CHPT1: variants seen among roughly 807,000 people sequenced by gnomAD.
CHPT1 encodes the protein choline phosphotransferase 1.
Under a neutral mutation model 47.6 loss-of-function variants are expected in CHPT1, and 36 were observed. The ratio of observed to expected loss-of-function variants is 0.76; its 90% confidence interval spans 0.58 to 1.00. CHPT1 has a LOEUF of 1.00. Among genes scored for constraint, CHPT1 ranks in the 50% least tolerant of loss-of-function variants. The pLI, the probability that CHPT1 is intolerant of heterozygous loss-of-function variation, is 0.00. For missense variants in CHPT1, 458 were observed against 498.1 expected (o/e 0.92, Z 0.77); for synonymous variants, 194 against 186.3 (o/e 1.04, Z -0.33).
At chr12:101,724,858 C>T (rs1467377752) in intron 7 of CHPT1, among the ~76,000 whole-genome samples, 1 of 152,258 alleles carries the variant, frequency 6.6e-6, no homozygotes, top group African/African-American at 2.4e-5. Flanking sequence ...ACTTCAATTA[C>T]AAAGTTGGAT....
At chr12:101,726,547 G>T in intron 8 of CHPT1, 143 bp downstream of exon 8, 1 of 1,210,920 alleles carries the variant, frequency 8.3e-7, no homozygotes, top group Non-Finnish European at 1.1e-6. Context: ...CATAAACCCT[G>T]TAGATTTCAT....
intron 1 of CHPT1, among the ~76,000 whole-genome samples, chr12:101,700,441 G>T (rs1951538838): frequency 6.6e-6 from 1 of 152,028 alleles, no homozygotes; most frequent in Non-Finnish European, 1.5e-5. Flanking sequence ...TGAAATGTAT[G>T]TCACTAGAAC....
At chr12:101,725,662 T>G (rs565746278) in intron 7 of CHPT1, among the ~76,000 whole-genome samples, 1 of 151,960 alleles carries the variant, frequency 6.6e-6, no homozygotes, top group South Asian at 2.1e-4. Context: ...AATGTGGTAC[T>G]TTTCAAGTAA....
At chr12:101,707,578 T>C (rs1951650390) in intron 1 of CHPT1, among the ~76,000 whole-genome samples, 1 of 152,206 alleles carries the variant, frequency 6.6e-6, no homozygotes, top group Non-Finnish European at 1.5e-5. Flanking sequence ...GCCAGAGTAA[T>C]GTTCTAGAGT....
At position 101,723,715 on chromosome 12, in the gene CHPT1, T is replaced by C; in HGVS notation, c.940-7T>C. 6.7e-7 allele frequency: 1 copy of C among 1,486,080 alleles called. No individual in the cohort carries two copies. The highest frequency in any genetic ancestry group is 1.3e-5 in the South Asian group (1 of 78,942). 92.1% of individuals were successfully genotyped at this position (1,486,080 alleles called of 1,614,324 possible). On this transcript the variant is annotated splice_polypyrimidine_tract_variant and splice_region_variant and intron_variant, in intron 6 of 8. Coordinates refer to ENST00000229266, the MANE Select transcript of CHPT1 (RefSeq NM_020244.3). Reference sequence around the variant, plus strand: ...TAGTAAAATTATTTTGTTTAATTTTTTTATAGGTAGCTCACATGACCAAAA... The same window carrying C: ...TAGTAAAATTATTTTGTTTAATTTTCTTATAGGTAGCTCACATGACCAAAA...
intron 4 of CHPT1, chr12:101,719,564 G>A: frequency 8.0e-7 from 1 of 1,252,334 alleles, no homozygotes; most frequent in Non-Finnish European, 1.0e-6. Flanking sequence ...CTACACAGAT[G>A]TTTTGCTTGC....
chr12:101,709,832 T>G (rs1263787156), intron 1 of CHPT1, among the ~76,000 whole-genome samples: 1 of 148,556 alleles, frequency 6.7e-6, no homozygotes, highest in East Asian at 2.0e-4. Flanking sequence ...AGATTTCAGG[T>G]GAAAAGTTCC....
At chr12:101,719,175 A>AG (rs972597379) in intron 4 of CHPT1, among the ~76,000 whole-genome samples, 1 of 151,504 alleles carries the variant, frequency 6.6e-6, no homozygotes, top group Non-Finnish European at 1.5e-5. Context: ...AAAAAAAAAA[A>AG]AAGAAGGTAA....
chr12:101,717,037 C>T (rs1179314308), intron 4 of CHPT1, among the ~76,000 whole-genome samples: 1 of 151,096 alleles, frequency 6.6e-6, no homozygotes, highest in African/African-American at 2.4e-5. Flanking sequence ...AGTATATTGC[C>T]ACATAGAAGA....
Position 101,723,188 on chromosome 12 carries a change from T to C in CHPT1, c.801T>C (p.Pro267=), listed in dbSNP as rs1951884722. The part of the protein sequence containing the change: ...STIAGTSVLS[P]GLHIGLIIIL... ...CTTAGGGCACCAGTGTCTTGTCACCTGGACTCCACATAGGACTAATTATTA... is the reference window on the plus strand; with the variant it reads ...CTTAGGGCACCAGTGTCTTGTCACCCGGACTCCACATAGGACTAATTATTA... Residue 267 remains proline, a synonymous_variant, in exon 6 of 9, where the codon CCT becomes CCC. Transcript: ENST00000229266. The C allele has an allele frequency of 6.2e-7, 1 of 1,612,858 alleles. No homozygotes were observed. Among genetic ancestry groups the C allele is most frequent in the South Asian group, 1.1e-5 (1 of 90,860 alleles).
rs112574157 is a variant in CHPT1, at chr12:101,711,421, C to G, written c.274-2669C>G. Among the ~76,000 whole-genome samples the G allele has an allele frequency of 8.5e-3, 1,264 of 147,898 alleles. 56 individuals carry two copies. Among genetic ancestry groups the G allele is most frequent in the African/African-American group, 0.029 (1,209 of 41,028 alleles). On this transcript the variant is annotated intron_variant, in intron 1 of 8. Transcript: ENST00000229266. The stretch of plus-strand genomic sequence containing the variant: ...AGACATTATGCTAAGTGAAATAAGC[C>G]AGACACAGAAAGAGAAATATGGTAT...
intron 5 of CHPT1, among the ~76,000 whole-genome samples, chr12:101,721,099 T>A (rs1326351707): frequency 6.6e-6 from 1 of 152,080 alleles, no homozygotes; most frequent in African/African-American, 2.4e-5. Context: ...CTGGCCAACA[T>A]GGTGAAACCC....
chr12:101,717,489 C>G, intron 4 of CHPT1: 6 of 299,218 alleles, frequency 2.0e-5, no homozygotes, highest in South Asian at 1.9e-4. Context: ...AACTAACAGT[C>G]ATTCAATACT....
intron 2 of CHPT1, 102 bp from the exon 3 acceptor site, chr12:101,714,402 C>CATGATT: frequency 8.5e-7 from 1 of 1,182,682 alleles, no homozygotes; most frequent in Non-Finnish European, 1.2e-6. Context: ...ATTTTAATGC[C>CATGATT]ATGATTATTT....
At chr12:101,720,643 C>T (rs1440023404) in intron 5 of CHPT1, among the ~76,000 whole-genome samples, 2 of 152,108 alleles carry the variant, frequency 1.3e-5, no homozygotes, top group African/African-American at 4.8e-5. Flanking sequence ...TATTACTCAT[C>T]AAGTAAATTT....
In CHPT1 at chr12:101,729,029, T is replaced by G. The variant is rs1594157033; in HGVS notation, c.*84T>G. On this transcript the variant is annotated 3_prime_UTR_variant, in exon 9 of 9. Coordinates refer to ENST00000229266, the MANE Select transcript of CHPT1 (RefSeq NM_020244.3). ...AACATTTGTTTAATTTTTATTTAAG[T>G]GTTATACCTATTTCAGCAAATAAAA... The G allele has an allele frequency of 6.2e-7, 1 of 1,611,188 alleles. No individual in the cohort carries two copies.
At chr12:101,710,218 C>T (rs946601901) in intron 1 of CHPT1, among the ~76,000 whole-genome samples, 5 of 148,312 alleles carry the variant, frequency 3.4e-5, no homozygotes, top group Admixed American at 6.9e-5. Flanking sequence ...TGGTGGCGTG[C>T]GCCTGTAATC....
intron 1 of CHPT1, among the ~76,000 whole-genome samples, chr12:101,701,790 C>G (rs1280382439): frequency 1.3e-5 from 2 of 152,126 alleles, no homozygotes; most frequent in Admixed American, 1.3e-4. Context: ...ATTTAGAAAA[C>G]AAACATTTGT....
At chr12:101,725,716 ATTCCCTCTCC>A (rs1951932620) in intron 7 of CHPT1, among the ~76,000 whole-genome samples, 1 of 152,058 alleles carries the variant, frequency 6.6e-6, no homozygotes, top group Non-Finnish European at 1.5e-5. Context: ...ATGGGTGAGA[ATTCCCTCTCC>A]AAGGGCAGAG....
Sources: allele counts gnomAD v4.1 joint callset (sites outside exome capture counted in the v4.1 genomes callset), GRCh38; gene constraint gnomAD v4.1.1; transcripts MANE v1.5; gene names NCBI Gene and HGNC (gene_info 2026-07-23, HGNC 2026-07-21).